Variants in SNX24 observed in about 807,000 individuals in gnomAD.
The protein encoded by SNX24 is sorting nexin-24.
A neutral mutation model predicts 28.7 loss-of-function variants in SNX24; 22 were observed. That is an observed-to-expected ratio of 0.77 (90% CI 0.55 to 1.10). The LOEUF is 1.10. Among genes scored for constraint, SNX24 ranks in the 50% least tolerant of loss-of-function variants. SNX24 has a pLI of 0.00. For missense variants in SNX24, 221 were observed against 201.1 expected (o/e 1.10, Z -0.60); for synonymous variants, 69 against 71.5 (o/e 0.96, Z 0.18).
chr5:122,899,221 G>A (rs557056459), intron 1 of SNX24, among the ~76,000 whole-genome samples: 1 of 152,288 alleles, frequency 6.6e-6, no homozygotes, highest in East Asian at 1.9e-4. Context: ...AGCTAGACTA[G>A]TAAATCCCTT....
At chr5:122,984,170 C>G (rs1378153058) in intron 3 of SNX24, among the ~76,000 whole-genome samples, 1 of 152,100 alleles carries the variant, frequency 6.6e-6, no homozygotes, top group African/African-American at 2.4e-5. Context: ...TCACAGCAAT[C>G]TGTTGGAAGC....
At chr5:122,953,553 G>A (rs1760062548) in intron 3 of SNX24, among the ~76,000 whole-genome samples, 1 of 150,794 alleles carries the variant, frequency 6.6e-6, no homozygotes, top group East Asian at 1.9e-4. Context: ...CGATGGGCAA[G>A]GTTGAGCTTC....
At chr5:122,975,943 G>A (rs1761144459) in intron 3 of SNX24, among the ~76,000 whole-genome samples, 1 of 152,080 alleles carries the variant, frequency 6.6e-6, no homozygotes, top group Non-Finnish European at 1.5e-5. Context: ...CTATGAATCT[G>A]TCTTACAATT....
At chr5:122,919,793 C>T (rs1383797617) in intron 1 of SNX24, among the ~76,000 whole-genome samples, 1 of 152,178 alleles carries the variant, frequency 6.6e-6, no homozygotes, top group Admixed American at 6.6e-5. Context: ...TAGCTCCCCT[C>T]CCAAACCAGG....
intron 1 of SNX24, among the ~76,000 whole-genome samples, chr5:122,890,083 C>T (rs1756902014): frequency 6.6e-6 from 1 of 152,032 alleles, no homozygotes; most frequent in Non-Finnish European, 1.5e-5. Flanking sequence ...ATAGACTGTC[C>T]TTCAATTTGG....
chr5:122,901,647 G>A (rs1393054336), intron 1 of SNX24, among the ~76,000 whole-genome samples: 1 of 152,038 alleles, frequency 6.6e-6, no homozygotes, highest in Admixed American at 6.5e-5. Context: ...CTTGACTTTT[G>A]TCTCCTGTCA....
chr5:122,889,766 TCTC>T (rs1756884120), intron 1 of SNX24, among the ~76,000 whole-genome samples: 1 of 149,418 alleles, frequency 6.7e-6, no homozygotes, highest in African/African-American at 2.4e-5. Context: ...TTATACCTCT[TCTC>T]CCTTCATTTT....
intron 1 of SNX24, among the ~76,000 whole-genome samples, chr5:122,904,369 G>T (rs1757560586): frequency 6.6e-6 from 1 of 152,036 alleles, no homozygotes; most frequent in Admixed American, 6.5e-5. Context: ...TTTTAGTAGA[G>T]ACGGGGTTTC....
intron 5 of SNX24, among the ~76,000 whole-genome samples, chr5:123,019,300 AAAAG>A (rs1762730470): frequency 6.6e-6 from 1 of 152,286 alleles, no homozygotes; most frequent in East Asian, 1.9e-4. Flanking sequence ...AAAAAAAAAA[AAAAG>A]AAGTGCCTTG....
intron 1 of SNX24, among the ~76,000 whole-genome samples, chr5:122,871,614 C>T (rs975836100): frequency 6.6e-6 from 1 of 151,974 alleles, no homozygotes; most frequent in Non-Finnish European, 1.5e-5. Flanking sequence ...ACTAAAAATA[C>T]AAAAAATTAG....
intron 1 of SNX24, among the ~76,000 whole-genome samples, chr5:122,905,164 G>T (rs934346174): frequency 1.3e-5 from 2 of 152,212 alleles, no homozygotes; most frequent in African/African-American, 4.8e-5. Context: ...CACAGGTTTT[G>T]TGGGTGGGGT....
chr5:122,987,397 CGATTCT>C (rs1303880518), intron 3 of SNX24, among the ~76,000 whole-genome samples: 4 of 152,096 alleles, frequency 2.6e-5, no homozygotes, highest in Non-Finnish European at 4.4e-5. Flanking sequence ...GCCCTCTAGG[CGATTCT>C]GATTAGTTTG....
intron 3 of SNX24, among the ~76,000 whole-genome samples, chr5:122,951,462 ATTTAGCATCTCATAGTGT>A (rs920905868): frequency 1.3e-5 from 2 of 152,164 alleles, no homozygotes; most frequent in African/African-American, 2.4e-5. Context: ...CCATTAAGGA[ATTTAGCATCTCATAGTGT>A]TTACCAGTTT....
At chr5:122,864,517 A>G (rs60049040) in intron 1 of SNX24, among the ~76,000 whole-genome samples, 20,511 of 152,202 alleles carry the variant, frequency 0.13, 1,702 homozygotes, top group East Asian at 0.36. Flanking sequence ...ACTCAAATCA[A>G]TCTCCCCAAA....
chr5:122,906,423 A>G (rs6861781), intron 1 of SNX24, among the ~76,000 whole-genome samples: 46 of 152,362 alleles, frequency 3.0e-4, no homozygotes, highest in African/African-American at 1.1e-3. Context: ...TAGAACAGAA[A>G]GTGTATGAAG....
At chr5:122,991,057 C>T (rs143396505) in intron 3 of SNX24, among the ~76,000 whole-genome samples, 8,695 of 152,056 alleles carry the variant, frequency 0.057, 357 homozygotes, top group Non-Finnish European at 0.089. Flanking sequence ...CCACCACACC[C>T]GACTAATTTT....
chr5:122,939,189 T>C (rs1759328772), intron 2 of SNX24, among the ~76,000 whole-genome samples: 1 of 152,216 alleles, frequency 6.6e-6, no homozygotes, highest in Non-Finnish European at 1.5e-5. Flanking sequence ...ATGCTTTGAA[T>C]GTTAGAGTTT....
rs777839472 is a variant in SNX24, at chr5:122,946,075, T to C, written c.165T>C (p.Thr55=). 6 of 1,599,100 alleles carry C rather than the reference T, an allele frequency of 3.8e-6. No homozygotes were observed. The highest frequency in any genetic ancestry group is 5.1e-6 in the Non-Finnish European group (6 of 1,169,856). The change falls in exon 3 of 7, where the codon ACT becomes ACC. Residue 55 remains threonine, a synonymous_variant. Coordinates refer to ENST00000261369, the MANE Select transcript of SNX24 (RefSeq NM_014035.4). Reference sequence around the variant, plus strand: ...TATAGCTTAAGAAATGTATAAAAACTCCAGAAATCCCTTCTAAACATGTTA... The same window carrying C: ...TATAGCTTAAGAAATGTATAAAAACCCCAGAAATCCCTTCTAAACATGTTA... ...LHKKLKKCIK[T]PEIPSKHVRN...
chr5:122,916,856 C>G (rs1758193871), intron 1 of SNX24, among the ~76,000 whole-genome samples: 1 of 152,200 alleles, frequency 6.6e-6, no homozygotes, highest in African/African-American at 2.4e-5. Flanking sequence ...ATGGCATACT[C>G]TGTCATGGTC....
Sources: allele counts gnomAD v4.1 joint callset (sites outside exome capture counted in the v4.1 genomes callset), GRCh38; gene constraint gnomAD v4.1.1; transcripts MANE v1.5; gene names NCBI Gene and HGNC (gene_info 2026-07-23, HGNC 2026-07-21).